The following EBF1 variants were observed in gnomAD, a reference collection of about 807,000 sequenced individuals.
The protein encoded by EBF1 is EBF transcription factor 1.
Under a neutral mutation model 68.4 loss-of-function variants are expected in EBF1, and 10 were observed. That is an observed-to-expected ratio of 0.15 (90% CI 0.09 to 0.25). EBF1 has a LOEUF of 0.25. EBF1 is among the 10% of genes least tolerant of loss of function. EBF1 has a pLI of 1.00. For missense variants in EBF1, 509 were observed against 794.4 expected, an observed-to-expected ratio of 0.64 and a Z score of 4.32; for synonymous variants, 298 against 299.8, an observed-to-expected ratio of 0.99 and a Z score of 0.06.
chr5:159,069,355 G>A (rs770805710), intron 6 of EBF1, among the ~76,000 whole-genome samples: 3 of 151,672 alleles, frequency 2.0e-5, no homozygotes, highest in Admixed American at 1.3e-4. Flanking sequence ...CAAACATTAA[G>A]CTGCCCCCTA....
At chr5:158,995,484 C>T (rs1466023515) in intron 6 of EBF1, among the ~76,000 whole-genome samples, 3 of 152,116 alleles carry the variant, frequency 2.0e-5, no homozygotes, top group Non-Finnish European at 2.9e-5. Flanking sequence ...ATCTCCAAGG[C>T]TCTTCTGAGT....
intron 5 of EBF1, among the ~76,000 whole-genome samples, chr5:159,083,833 A>G (rs1366013114): frequency 1.3e-5 from 2 of 152,246 alleles, no homozygotes; most frequent in Non-Finnish European, 2.9e-5. Flanking sequence ...TTCATGCTTT[A>G]TCCAATTATT....
chr5:158,956,595 A>G (rs1474049097), intron 6 of EBF1, among the ~76,000 whole-genome samples: 1 of 152,082 alleles, frequency 6.6e-6, no homozygotes, highest in Non-Finnish European at 1.5e-5. Context: ...TCAACCATCC[A>G]AACAATTAAT....
chr5:159,024,395 T>G (rs914773013), intron 6 of EBF1, among the ~76,000 whole-genome samples: 3 of 152,186 alleles, frequency 2.0e-5, no homozygotes, highest in Admixed American at 2.0e-4. Flanking sequence ...ATTTTTCCAA[T>G]TTTACGGCCC....
intron 5 of EBF1, among the ~76,000 whole-genome samples, chr5:159,074,793 CTCTG>C (rs2127949665): frequency 1.3e-5 from 2 of 152,288 alleles, no homozygotes; most frequent in South Asian, 4.1e-4. Flanking sequence ...GCTAAAACCA[CTCTG>C]TCTACCTTAT....
At chr5:159,086,536 T>C (rs956113529) in intron 4 of EBF1, among the ~76,000 whole-genome samples, 1 of 152,152 alleles carries the variant, frequency 6.6e-6, no homozygotes, top group African/African-American at 2.4e-5. Flanking sequence ...TTGTAGAACA[T>C]CTCTCAATTT....
At chr5:158,716,508 G>A (rs947399313) in intron 11 of EBF1, among the ~76,000 whole-genome samples, 4 of 152,134 alleles carry the variant, frequency 2.6e-5, no homozygotes, top group Non-Finnish European at 5.9e-5. Flanking sequence ...TCTTGAAAGG[G>A]ACACCCTTAA....
chr5:158,996,352 C>T (rs991529599), intron 6 of EBF1, among the ~76,000 whole-genome samples: 16 of 152,162 alleles, frequency 1.1e-4, no homozygotes, highest in Admixed American at 2.6e-4. Context: ...CTACAATTTT[C>T]TCTAATTTTT....
At chr5:158,856,269 C>T (rs1054640235) in intron 6 of EBF1, among the ~76,000 whole-genome samples, 8 of 152,084 alleles carry the variant, frequency 5.3e-5, no homozygotes, top group Non-Finnish European at 1.2e-4. Flanking sequence ...GTATGTGTTC[C>T]CTCTCAATGA....
At chr5:158,811,281 T>G (rs1466947606) in intron 8 of EBF1, among the ~76,000 whole-genome samples, 2 of 152,208 alleles carry the variant, frequency 1.3e-5, no homozygotes, top group African/African-American at 4.8e-5. Flanking sequence ...GGCTTTTCAA[T>G]TTGCCTTTGA....
chr5:158,748,654 T>A, intron 10 of EBF1, among the ~76,000 whole-genome samples: 1 of 152,152 alleles, frequency 6.6e-6, no homozygotes, highest in East Asian at 1.9e-4. Flanking sequence ...GAAGAGAGCA[T>A]ATTAAGTGCT....
At chr5:159,027,112 C>T (rs1022434138) in intron 6 of EBF1, among the ~76,000 whole-genome samples, 2 of 152,134 alleles carry the variant, frequency 1.3e-5, no homozygotes, top group Non-Finnish European at 2.9e-5. Context: ...AGGGTATGTC[C>T]AGCATTTCAG....
At chr5:158,821,691 G>A (rs958985048) in intron 8 of EBF1, among the ~76,000 whole-genome samples, 4 of 152,102 alleles carry the variant, frequency 2.6e-5, no homozygotes, top group Non-Finnish European at 5.9e-5. Context: ...GTGACTCCAA[G>A]GGTATTATAA....
intron 6 of EBF1, among the ~76,000 whole-genome samples, chr5:159,045,860 C>T (rs1161139591): frequency 6.6e-6 from 1 of 152,130 alleles, no homozygotes; most frequent in African/African-American, 2.4e-5. Context: ...TCCAATTCTC[C>T]CATCTTCCCA....
chr5:158,910,577 C>A (rs1370265799), intron 6 of EBF1, among the ~76,000 whole-genome samples: 11 of 152,146 alleles, frequency 7.2e-5, no homozygotes, highest in Admixed American at 7.2e-4. Context: ...TTTTAAACTA[C>A]ATATTTTATG....
At position 158,699,033 on chromosome 5, in the gene EBF1, A is replaced by T. The variant is rs1278651830; in HGVS notation, c.*78T>A. Reference sequence around the variant, plus strand: ...TAAAAAGGCCTGAGTTAAAAGTTCCACTCTGGGACTTGTATCAGATTACTC... The same window carrying T: ...TAAAAAGGCCTGAGTTAAAAGTTCCTCTCTGGGACTTGTATCAGATTACTC... On this transcript the variant is annotated 3_prime_UTR_variant, in exon 16 of 16. Coordinates refer to ENST00000313708, the MANE Select transcript of EBF1 (RefSeq NM_024007.5). 7.3e-7 allele frequency: 1 copy of T among 1,376,512 alleles called. No individual in the cohort carries two copies. The highest frequency in any genetic ancestry group is 1.5e-5 in the African/African-American group (1 of 66,948). 85.3% of individuals were successfully genotyped at this position (1,376,512 alleles called of 1,614,324 possible).
At chr5:158,936,467 C>T (rs755392920) in intron 6 of EBF1, among the ~76,000 whole-genome samples, 1 of 152,198 alleles carries the variant, frequency 6.6e-6, no homozygotes, top group Non-Finnish European at 1.5e-5. Context: ...AAATGACATA[C>T]ACATACAAAG....
chr5:158,978,835 C>CACACAGAGAGAGAGAG (rs753714441), intron 6 of EBF1, among the ~76,000 whole-genome samples: 1 of 146,934 alleles, frequency 6.8e-6, no homozygotes, highest in Non-Finnish European at 1.5e-5. Context: ...CACACACACA[C>CACACAGAGAGAGAGAG]AGAGAGAGAG....
chr5:158,724,866 G>A (rs1431868189), intron 11 of EBF1, among the ~76,000 whole-genome samples: 1 of 152,188 alleles, frequency 6.6e-6, no homozygotes, highest in African/African-American at 2.4e-5. Flanking sequence ...AAATTGTTCT[G>A]TGTTTAAATA....
Sources: allele counts gnomAD v4.1 joint callset (sites outside exome capture counted in the v4.1 genomes callset), GRCh38; gene constraint gnomAD v4.1.1; transcripts MANE v1.5; gene names NCBI Gene and HGNC (gene_info 2026-07-23, HGNC 2026-07-21).